EPHA6: variants seen among roughly 807,000 people sequenced by gnomAD.
EPHA6 encodes ephrin type-A receptor 6.
A neutral mutation model predicts 112.0 loss-of-function variants in EPHA6; 50 were observed. The observed-to-expected ratio is 0.45, with a 90% CI of 0.36 to 0.56. EPHA6 has a LOEUF of 0.56. EPHA6 is among the 20% of genes least tolerant of loss of function. The pLI is 0.00. For synonymous variants in EPHA6, 529 were observed against 490.7 expected, an observed-to-expected ratio of 1.08 and a Z score of -1.03; for missense variants, 1,280 against 1,417.4, an observed-to-expected ratio of 0.90 and a Z score of 1.56.
intron 5 of EPHA6, among the ~76,000 whole-genome samples, chr3:97,260,072 A>T (rs188695647): frequency 2.0e-5 from 3 of 152,344 alleles, no homozygotes; most frequent in African/African-American, 7.2e-5. Context: ...AAGTGCTGGG[A>T]TTACAGGCAT....
chr3:96,998,511 A>G (rs966141993), intron 3 of EPHA6, among the ~76,000 whole-genome samples: 4 of 151,676 alleles, frequency 2.6e-5, no homozygotes, highest in Non-Finnish European at 4.4e-5. Context: ...CTCTTCAATG[A>G]TTGTTTATTT....
intron 3 of EPHA6, among the ~76,000 whole-genome samples, chr3:97,024,211 A>G (rs2044559185): frequency 6.6e-6 from 1 of 152,148 alleles, no homozygotes; most frequent in Admixed American, 6.5e-5. Flanking sequence ...CTTTTTTTCA[A>G]ATGGCAAAAT....
intron 3 of EPHA6, among the ~76,000 whole-genome samples, chr3:97,205,322 CAT>C (rs1424682918): frequency 6.6e-6 from 1 of 151,872 alleles, no homozygotes; most frequent in African/African-American, 2.4e-5. Flanking sequence ...AAAACTTAAA[CAT>C]GTTTGTTGAA....
At chr3:97,692,080 A>T (rs772785775) in intron 14 of EPHA6, among the ~76,000 whole-genome samples, 2 of 152,194 alleles carry the variant, frequency 1.3e-5, no homozygotes, top group Non-Finnish European at 2.9e-5. Flanking sequence ...TGGCCCTAAG[A>T]AATTAAAAAA....
At chr3:97,634,322 G>C (rs2093927672) in intron 13 of EPHA6, among the ~76,000 whole-genome samples, 1 of 151,604 alleles carries the variant, frequency 6.6e-6, no homozygotes, top group Non-Finnish European at 1.5e-5. Context: ...TAATAATGTG[G>C]AAGAAATTAT....
rs915087745 is a variant in EPHA6 at position 96,987,664 on chromosome 3, A to G, written c.785A>G (p.Lys262Arg). ...ATGGATTTGGGTGATCGCATCCTCA[A>G]ACTCAACACTGAAATTCGTGAGGTG... The part of the protein sequence containing the change: ...TQMDLGDRIL[K>R]LNTEIREVGP... Residue 262 changes from lysine to arginine, a missense_variant, in exon 3 of 18, where the codon AAA becomes AGA. Lys to Arg is a conservative substitution (Grantham distance 26). Coordinates refer to ENST00000389672, the MANE Select transcript of EPHA6 (RefSeq NM_001080448.3). The G allele has an allele frequency of 1.2e-6, 2 of 1,607,428 alleles. No homozygotes were observed. The highest frequency in any genetic ancestry group is 1.3e-5 in the African/African-American group (1 of 74,876).
chr3:97,267,464 T>A (rs1386656994), intron 5 of EPHA6, among the ~76,000 whole-genome samples: 1 of 152,128 alleles, frequency 6.6e-6, no homozygotes, highest in African/African-American at 2.4e-5. Context: ...ACAAAAATAT[T>A]ATTCACCACA....
chr3:97,328,908 T>C (rs1395089142), intron 5 of EPHA6, among the ~76,000 whole-genome samples: 1 of 152,138 alleles, frequency 6.6e-6, no homozygotes, highest in Admixed American at 6.6e-5. Context: ...ATTGGTGTGC[T>C]GCACCCAGTA....
chr3:97,418,233 A>G (rs1364046322), intron 6 of EPHA6, among the ~76,000 whole-genome samples: 1 of 151,640 alleles, frequency 6.6e-6, no homozygotes, highest in African/African-American at 2.4e-5. Flanking sequence ...AAATGATACT[A>G]ATAATTACTA....
chr3:97,374,392 G>C (rs928583700), intron 5 of EPHA6, among the ~76,000 whole-genome samples: 1 of 151,946 alleles, frequency 6.6e-6, no homozygotes, highest in African/African-American at 2.4e-5. Context: ...CTAGGCCCCG[G>C]TGGACTACAG....
intron 3 of EPHA6, among the ~76,000 whole-genome samples, chr3:97,027,982 A>G (rs1379687752): frequency 6.6e-6 from 1 of 152,164 alleles, no homozygotes; most frequent in Admixed American, 6.5e-5. Flanking sequence ...TTCCCTTTAA[A>G]ACTGTCAATA....
At chr3:97,211,323 A>G (rs1449152879) in intron 3 of EPHA6, among the ~76,000 whole-genome samples, 1 of 152,202 alleles carries the variant, frequency 6.6e-6, no homozygotes, top group African/African-American at 2.4e-5. Flanking sequence ...TGATCATTTT[A>G]TACATATGAC....
chr3:97,754,175 G>A lies in EPHA6; in HGVS notation c.*5474G>A, dbSNP rs561424469. ...GCAATCTTGGCTCACCACAACCTCC[G>A]CCTCCCAGGTTCAAGCAATTCTCCT... On this transcript the variant is annotated 3_prime_UTR_variant, in exon 18 of 18. Coordinates refer to ENST00000389672, the MANE Select transcript of EPHA6 (RefSeq NM_001080448.3). Among the ~76,000 whole-genome samples the A allele has an allele frequency of 2.2e-5, 3 of 139,160 alleles. No individual in the cohort carries two copies. The highest frequency in any genetic ancestry group is 2.4e-4 in the South Asian group (1 of 4,174). The allele number at this position is 139,160 out of a possible 152,430, so 91.3% of individuals were successfully genotyped here.
intron 6 of EPHA6, among the ~76,000 whole-genome samples, chr3:97,436,894 G>A (rs950695926): frequency 1.3e-5 from 2 of 152,084 alleles, no homozygotes; most frequent in Admixed American, 6.6e-5. Flanking sequence ...AAAATCCAAT[G>A]CACTATAGTT....
intron 1 of EPHA6, among the ~76,000 whole-genome samples, chr3:96,841,050 A>G (rs1174562962): frequency 1.3e-5 from 2 of 152,040 alleles, no homozygotes; most frequent in East Asian, 3.9e-4. Context: ...ATGTGTGCCC[A>G]AGGTGGTAGG....
chr3:96,914,165 A>G (rs141752487), intron 2 of EPHA6, among the ~76,000 whole-genome samples: 17 of 152,252 alleles, frequency 1.1e-4, no homozygotes, highest in Non-Finnish European at 2.1e-4. Flanking sequence ...GTTTTTTTAA[A>G]GTATAGTTGC....
chr3:97,495,316 AATAG>A (rs2091946961), intron 10 of EPHA6, among the ~76,000 whole-genome samples: 1 of 151,008 alleles, frequency 6.6e-6, no homozygotes, highest in Admixed American at 6.6e-5. Flanking sequence ...TAAAAATATG[AATAG>A]ATATAGATAT....
rs117571187 is a variant in EPHA6 at position 96,969,974 on chromosome 3, C to A, written c.451-17356C>A. Among the ~76,000 whole-genome samples, 301 of 151,954 alleles carry A rather than the reference C, an allele frequency of 2.0e-3. 2 individuals carry two copies. Among genetic ancestry groups the A allele is most frequent in the East Asian group, 0.018 (93 of 5,178 alleles). On this transcript the variant is annotated intron_variant, in intron 2 of 17. Coordinates refer to ENST00000389672, the MANE Select transcript of EPHA6 (RefSeq NM_001080448.3). ...CATATGTGATGTTTATAAGAATTAT[C>A]AATTCAAAAGTTAATACACTTAAAT... is the stretch of plus-strand genomic sequence containing the variant.
At chr3:97,375,105 T>C (rs1310943700) in intron 5 of EPHA6, among the ~76,000 whole-genome samples, 1 of 152,156 alleles carries the variant, frequency 6.6e-6, no homozygotes. Flanking sequence ...AAATTAAAGG[T>C]TCTCTGTCAT....
Sources: allele counts gnomAD v4.1 joint callset (sites outside exome capture counted in the v4.1 genomes callset), GRCh38; gene constraint gnomAD v4.1.1; transcripts MANE v1.5; gene names NCBI Gene and HGNC (gene_info 2026-07-23, HGNC 2026-07-21).